The following PUDP variants were observed in gnomAD, a reference collection of about 807,000 sequenced individuals.
PUDP encodes pseudouridine 5'-phosphatase.
A neutral mutation model predicts 9.4 loss-of-function variants in PUDP; 8 were observed. The observed-to-expected ratio is 0.85, with a 90% CI of 0.50 to 1.53. The LOEUF is 1.53. PUDP is among the 40% of genes most tolerant of loss of function. PUDP has a pLI of 0.00. For missense variants in PUDP, 188 were observed against 189.7 expected (o/e 0.99, Z 0.05); for synonymous variants, 99 against 80.7 (o/e 1.23, Z -1.22).
chrX:6,901,370 C>T (rs1408202356), intron 3 of PUDP, among the ~76,000 whole-genome samples: 1 of 112,312 alleles, frequency 8.9e-6, no homozygotes, highest in Non-Finnish European at 1.9e-5. Flanking sequence ...AGCAACGAAA[C>T]ATCTACAGCC....
intron 3 of PUDP, among the ~76,000 whole-genome samples, chrX:6,960,717 C>CAAAAGCAAAAATGAAACATCAGGTA (rs1928694631): frequency 8.9e-6 from 1 of 111,950 alleles, no homozygotes; most frequent in African/African-American, 3.2e-5. Context: ...TTGACAGCTA[C>CAAAAGCAAAAATGAAACATCAGGTA]AAAAGCAAAA....
intron 3 of PUDP, among the ~76,000 whole-genome samples, chrX:6,744,000 C>T (rs1166431988): frequency 9.0e-6 from 1 of 111,597 alleles, no homozygotes; most frequent in East Asian, 2.8e-4. Flanking sequence ...CCAGTGGCAT[C>T]TCTTAGCTAC....
chrX:6,842,821 C>T (rs1926692103), intron 3 of PUDP, among the ~76,000 whole-genome samples: 1 of 112,383 alleles, frequency 8.9e-6, no homozygotes, highest in South Asian at 3.7e-4. Context: ...ATGAGCACCC[C>T]TCTTCCAACA....
At chrX:6,847,164 T>G (rs1443706233) in intron 3 of PUDP, among the ~76,000 whole-genome samples, 4 of 111,867 alleles carry the variant, frequency 3.6e-5, no homozygotes, top group Admixed American at 9.5e-5. Context: ...TCTGTGGCTC[T>G]TGCAGAATCA....
intron 3 of PUDP, among the ~76,000 whole-genome samples, chrX:6,864,921 G>A (rs1275180594): frequency 9.0e-6 from 1 of 111,639 alleles, no homozygotes; most frequent in African/African-American, 3.3e-5. Context: ...AATTACCTTT[G>A]TCATGTAAAG....
chrX:6,769,944 G>A (rs1925338297), intron 3 of PUDP, among the ~76,000 whole-genome samples: 1 of 112,692 alleles, frequency 8.9e-6, no homozygotes, highest in Admixed American at 9.4e-5. Context: ...CTGTTCTGCA[G>A]ATGGTCTGCA....
intron 3 of PUDP, among the ~76,000 whole-genome samples, chrX:6,802,080 T>C (rs1271651435): frequency 8.9e-6 from 1 of 112,173 alleles, no homozygotes; most frequent in Non-Finnish European, 1.9e-5. Flanking sequence ...TTTACTCCAA[T>C]AGTAACATTT....
intron 3 of PUDP, among the ~76,000 whole-genome samples, chrX:6,750,405 CTGTGTG>C (rs1169308890): frequency 9.1e-6 from 1 of 109,830 alleles, no homozygotes; most frequent in Non-Finnish European, 1.9e-5. Context: ...GTGTGTGTGT[CTGTGTG>C]TGTGTGAGCG....
intron 1 of PUDP, among the ~76,000 whole-genome samples, chrX:7,029,260 C>T (rs1929760846): frequency 8.9e-6 from 1 of 111,838 alleles, no homozygotes; most frequent in Non-Finnish European, 1.9e-5. Context: ...TTAATCACTC[C>T]TTTAAAGGCC....
At chrX:7,131,346 G>A (rs1293531088) in intron 1 of PUDP, among the ~76,000 whole-genome samples, 5 of 110,824 alleles carry the variant, frequency 4.5e-5, no homozygotes, top group African/African-American at 1.6e-4. Flanking sequence ...CCTAGGGCCC[G>A]AGAATCGGAC....
intron 1 of PUDP, among the ~76,000 whole-genome samples, chrX:6,720,553 T>G (rs1924660808): frequency 2.8e-5 from 3 of 106,183 alleles, no homozygotes; most frequent in Non-Finnish European, 5.8e-5. Context: ...GTTTCAGTTA[T>G]AAATAAGTTC....
At chrX:6,954,298 T>C (rs2146784098) in intron 3 of PUDP, among the ~76,000 whole-genome samples, 1 of 111,175 alleles carries the variant, frequency 9.0e-6, no homozygotes, top group South Asian at 3.9e-4. Context: ...GTTTCCCAGT[T>C]TGTTAAACAG....
At chrX:6,722,913 C>A (rs190651814), upstream of PUDP, among the ~76,000 whole-genome samples, 1 of 111,703 alleles carries the variant, frequency 9.0e-6, no homozygotes, top group African/African-American at 3.2e-5. Flanking sequence ...TAGGATAGCA[C>A]CAAGTGTTTT....
chrX:7,117,552 C>G (rs1223480780), intron 1 of PUDP, among the ~76,000 whole-genome samples: 2 of 112,391 alleles, frequency 1.8e-5, no homozygotes, highest in Admixed American at 9.4e-5. Flanking sequence ...CGCTCAGATG[C>G]AGAAGCAAAG....
intron 3 of PUDP, among the ~76,000 whole-genome samples, chrX:6,925,043 G>A (rs1928080807): frequency 8.9e-6 from 1 of 112,153 alleles, no homozygotes. Context: ...GGCCGGGCAT[G>A]GTGGCTCACG....
intron 2 of PUDP, among the ~76,000 whole-genome samples, chrX:7,091,302 GCT>G (rs755780027): frequency 4.5e-5 from 5 of 111,864 alleles, no homozygotes; most frequent in African/African-American, 1.3e-4. Flanking sequence ...AATGTGGAAA[GCT>G]CTGGAAACTC....
At chrX:6,900,665 T>C (rs1368197212) in intron 3 of PUDP, among the ~76,000 whole-genome samples, 1 of 109,204 alleles carries the variant, frequency 9.2e-6, no homozygotes, top group Admixed American at 1.0e-4. Context: ...ATTAAATCAC[T>C]GCTTTTAAAT....
At chrX:6,826,314 T>C (rs888823494) in intron 3 of PUDP, among the ~76,000 whole-genome samples, 21 of 111,912 alleles carry the variant, frequency 1.9e-4, no homozygotes, top group African/African-American at 6.8e-4. Flanking sequence ...AAATAGCAAG[T>C]GCCACATTTA....
chrX:7,032,067 A>C, intron 1 of PUDP, among the ~76,000 whole-genome samples: 1 of 112,368 alleles, frequency 8.9e-6, no homozygotes, highest in Non-Finnish European at 1.9e-5. Context: ...CATGCAAAAA[A>C]TAAAAAAACA....
Sources: allele counts gnomAD v4.1 joint callset (sites outside exome capture counted in the v4.1 genomes callset), GRCh38; gene constraint gnomAD v4.1.1; transcripts MANE v1.5; gene names NCBI Gene and HGNC (gene_info 2026-07-23, HGNC 2026-07-21).